COL11A1: variants seen among roughly 807,000 people sequenced by gnomAD.
COL11A1 encodes collagen type XI alpha 1 chain, also known as collagen alpha-1(XI) chain.
Under a neutral mutation model 265.2 loss-of-function variants are expected in COL11A1, and 74 were observed. The ratio of observed to expected loss-of-function variants is 0.28; its 90% CI spans 0.23 to 0.34. The LOEUF (loss-of-function observed/expected upper bound fraction) is 0.34, where lower values mean the gene tolerates loss of function less well. Ranked by LOEUF, COL11A1 falls within the 10% of genes least tolerant of loss-of-function variation. The pLI, the probability that COL11A1 is intolerant of heterozygous loss-of-function variation, is 1.00. For missense variants in COL11A1, 2,165 were observed against 2,263.6 expected, an observed-to-expected ratio of 0.96 and a Z score of 0.88; for synonymous variants, 816 against 727.6, an observed-to-expected ratio of 1.12 and a Z score of -1.96.
At chr1:102,961,978 G>T in intron 40 of COL11A1, 59 bp from the exon 41 acceptor site, 1 of 1,454,308 alleles carries the variant, frequency 6.9e-7, no homozygotes, top group African/African-American at 1.4e-5. Context: ...ACCAATAGGA[G>T]GAGATATCTG....
At chr1:103,052,657 C>T (rs1416398669) in intron 4 of COL11A1, among the ~76,000 whole-genome samples, 1 of 152,112 alleles carries the variant, frequency 6.6e-6, no homozygotes, top group East Asian at 1.9e-4. Context: ...TAAGTGAACA[C>T]CTAGCTTTTG....
chr1:102,970,145 A>T, intron 37 of COL11A1, 74 bp downstream of exon 37: 1 of 1,192,556 alleles, frequency 8.4e-7, no homozygotes. Flanking sequence ...GTTCATAATA[A>T]AGTAGCTTTC....
At chr1:103,054,452 G>A (rs557705001) in intron 4 of COL11A1, among the ~76,000 whole-genome samples, 1 of 152,116 alleles carries the variant, frequency 6.6e-6, no homozygotes, top group Non-Finnish European at 1.5e-5. Context: ...GGTATTGAAG[G>A]CTTCTTTAAA....
intron 5 of COL11A1, among the ~76,000 whole-genome samples, chr1:103,027,335 A>G (rs1009085381): frequency 6.8e-6 from 1 of 147,362 alleles, no homozygotes; most frequent in Non-Finnish European, 1.5e-5. Context: ...TAATAAAAAT[A>G]ACTAAATACA....
At chr1:103,028,323 T>C (rs1318101155) in intron 5 of COL11A1, among the ~76,000 whole-genome samples, 1 of 152,154 alleles carries the variant, frequency 6.6e-6, no homozygotes, top group Non-Finnish European at 1.5e-5. Context: ...CGTGAGTCAC[T>C]GCGCCCAGCC....
chr1:102,947,098 G>A, intron 41 of COL11A1, 142 bp from the exon 42 acceptor site: 1 of 762,292 alleles, frequency 1.3e-6, no homozygotes. Flanking sequence ...AGATCCCAAA[G>A]AGAAACAGTT....
intron 46 of COL11A1, among the ~76,000 whole-genome samples, chr1:102,924,870 A>T (rs548246029): frequency 3.3e-5 from 5 of 152,216 alleles, no homozygotes; most frequent in South Asian, 4.1e-4. Flanking sequence ...ACTGTAAAAT[A>T]TGTAGGTAGA....
At chr1:103,032,045 A>T (rs553444407) in intron 4 of COL11A1, among the ~76,000 whole-genome samples, 1 of 152,144 alleles carries the variant, frequency 6.6e-6, no homozygotes, top group East Asian at 1.9e-4. Context: ...GGCTACTTCC[A>T]TCTGGACTTT....
chr1:102,963,533 G>A (rs1661116742), intron 38 of COL11A1, among the ~76,000 whole-genome samples: 1 of 151,870 alleles, frequency 6.6e-6, no homozygotes, highest in Non-Finnish European at 1.5e-5. Context: ...CAAAATGAAG[G>A]GTTTAAGTTA....
chr1:103,028,429 T>C (rs2101981169), intron 5 of COL11A1, among the ~76,000 whole-genome samples: 1 of 152,312 alleles, frequency 6.6e-6, no homozygotes, highest in East Asian at 1.9e-4. Context: ...AAGACATTGC[T>C]TAGTATATTC....
chr1:103,070,161 T>C (rs1055923555), intron 4 of COL11A1, among the ~76,000 whole-genome samples: 6 of 150,342 alleles, frequency 4.0e-5, no homozygotes, highest in Non-Finnish European at 7.4e-5. Flanking sequence ...ATAGGGTGAA[T>C]GGATGAAAAA....
At chr1:102,902,179 T>C (rs1653289697) in intron 54 of COL11A1, among the ~76,000 whole-genome samples, 1 of 152,314 alleles carries the variant, frequency 6.6e-6, no homozygotes, top group South Asian at 2.1e-4. Context: ...TGATAGTCTC[T>C]ATGGACCTGT....
At chr1:102,905,425 GAAGA>G (rs1653850693) in intron 54 of COL11A1, among the ~76,000 whole-genome samples, 1 of 148,486 alleles carries the variant, frequency 6.7e-6, no homozygotes, top group African/African-American at 2.5e-5. Context: ...AGGAAGGAAG[GAAGA>G]AAGGAAGAAA....
intron 66 of COL11A1, among the ~76,000 whole-genome samples, chr1:102,878,384 T>A (rs1649769118): frequency 1.3e-5 from 2 of 148,204 alleles, no homozygotes; most frequent in African/African-American, 4.9e-5. Context: ...TACTTAACTA[T>A]GATAGTGCTA....
intron 4 of COL11A1, among the ~76,000 whole-genome samples, chr1:103,068,350 A>G (rs1462466064): frequency 6.6e-6 from 1 of 151,664 alleles, no homozygotes; most frequent in African/African-American, 2.4e-5. Context: ...AAAAACCCGC[A>G]TGATCATTTC....
Position 103,022,013 on chromosome 1 carries a change from A to ATTTTTT in COL11A1, c.1246-250_1246-245dup, listed in dbSNP as rs11381607. Among the ~76,000 whole-genome samples the ATTTTTT allele has an allele frequency of 0.022, 3,011 of 139,510 alleles. 38 individuals carry two copies. Among genetic ancestry groups the ATTTTTT allele is most frequent in the Middle Eastern group, 0.029 (8 of 274 alleles). The allele number at this position is 139,510 out of a possible 152,430, so 91.5% of individuals were successfully genotyped here. On this transcript the variant is annotated intron_variant, in intron 8 of 66. Transcript: ENST00000370096. ...AGGCGCCCGCCACCACACCTAGCTA[A>ATTTTTT]TTTTTTTTTTTTTTGTATTTTTAGT...
chr1:103,004,108 A>G (rs1302187723), intron 20 of COL11A1, among the ~76,000 whole-genome samples: 1 of 152,182 alleles, frequency 6.6e-6, no homozygotes, highest in Non-Finnish European at 1.5e-5. Flanking sequence ...TTCTTCTGGT[A>G]ATAGGATTCA....
intron 4 of COL11A1, among the ~76,000 whole-genome samples, chr1:103,040,727 C>A (rs1374806716): frequency 6.6e-6 from 1 of 151,336 alleles, no homozygotes; most frequent in Admixed American, 6.6e-5. Context: ...CATTTTGAGA[C>A]CTCTTTTTAA....
At chr1:102,884,808 T>C (rs1207868739) in intron 63 of COL11A1, among the ~76,000 whole-genome samples, 1 of 152,184 alleles carries the variant, frequency 6.6e-6, no homozygotes, top group East Asian at 1.9e-4. Flanking sequence ...AGTCGTCCGC[T>C]TGACCCTCTT....
Sources: gnomAD v4.1 joint callset for allele counts (sites outside exome capture counted in the v4.1 genomes callset) on GRCh38, gnomAD v4.1.1 for gene constraint, MANE v1.5 for transcripts, NCBI Gene and HGNC (gene_info 2026-07-23, HGNC 2026-07-21) for gene names.